The following TUBB4B variants were observed in gnomAD, a reference collection of about 807,000 sequenced individuals.
The protein encoded by TUBB4B is tubulin beta 4B class IVb.
TUBB4B carries 7 observed loss-of-function variants against 34.3 expected under a neutral mutation model. The observed-to-expected ratio is 0.20, with a 90% confidence interval of 0.12 to 0.38. The LOEUF is 0.38. Ranked by LOEUF, TUBB4B falls within the 10% of genes least tolerant of loss-of-function variation. The pLI is 1.00. For synonymous variants in TUBB4B, 390 were observed against 250.2 expected (o/e 1.56, Z -5.27); for missense variants, 178 against 610.9 (o/e 0.29, Z 7.47).
In TUBB4B at chr9:137,242,424, C is replaced by T. The variant is rs188898330; in HGVS notation, c.278-72C>T. 179 of 1,550,220 alleles carry T rather than the reference C, an allele frequency of 1.2e-4. 1 individual carries two copies. In the East Asian group the frequency reaches 2.8e-3, roughly 24 times the overall value. On this transcript the variant is annotated intron_variant, in intron 3 of 3. Coordinates refer to ENST00000340384, the MANE Select transcript of TUBB4B (RefSeq NM_006088.6). ...GGTCAGCTCACACCATGTCACTCGG[C>T]TTTTTTCGCATGGCGGTGACCAGTA...
Position 137,241,340 on chromosome 9 carries a change from C to CACG in TUBB4B, c.-21_-20insACG, listed in dbSNP as rs1836735452. 6.3e-7 allele frequency: 1 copy of CACG among 1,578,890 alleles called. No homozygotes were observed. Among genetic ancestry groups the CACG allele is most frequent in the Non-Finnish European group, 8.6e-7 (1 of 1,165,664 alleles). ...CTGTTTGTCTACTTCCTCCTGCTTC[C>CACG]CCGCCGCCGCCGCCGCCATCATGAG... On this transcript the variant is annotated 5_prime_UTR_variant, in exon 1 of 4. Transcript: ENST00000340384.
In TUBB4B at chr9:137,243,508, C is replaced by T. The variant is rs201737567; in HGVS notation, c.1290C>T (p.Ala430=). The T allele has an allele frequency of 3.0e-5, 49 of 1,613,752 alleles. No individual in the cohort carries two copies. Among genetic ancestry groups the T allele is most frequent in the South Asian group, 9.9e-5 (9 of 91,092 alleles). ...SEYQQYQDAT[A]EEEGEFEEEA... ...ACCAGCAGTACCAGGATGCCACAGC[C>T]GAGGAGGAGGGCGAGTTCGAGGAGG... The change falls in exon 4 of 4, where the codon GCC becomes GCT. Residue 430 remains alanine (A), a synonymous_variant. Coordinates refer to ENST00000340384, the MANE Select transcript of TUBB4B (RefSeq NM_006088.6).
rs374055052 is a variant in TUBB4B, at chr9:137,243,358, C to T, written c.1140C>T (p.Arg380=). 6.3e-5 allele frequency: 101 copies of T among 1,613,566 alleles called. No homozygotes were observed. Among genetic ancestry groups the T allele is most frequent in the South Asian group, 2.5e-4 (23 of 91,088 alleles). The change falls in exon 4 of 4, where the codon CGC becomes CGT. Residue 380 remains arginine (R), a synonymous_variant. Coordinates refer to ENST00000340384, the MANE Select transcript of TUBB4B (RefSeq NM_006088.6). ...CGGCCATCCAGGAGCTGTTCAAGCG[C>T]ATCTCCGAGCAGTTCACGGCCATGT... ...NSTAIQELFK[R]ISEQFTAMFR... is the part of the protein sequence containing the mutation.
rs552169856 is a variant in TUBB4B at position 137,243,376 on chromosome 9, G to T, written c.1158G>T (p.Thr386=). The change falls in exon 4 of 4, where the codon ACG becomes ACT. Residue 386 remains threonine, a synonymous_variant. Transcript: ENST00000340384. ...TCAAGCGCATCTCCGAGCAGTTCAC[G>T]GCCATGTTCCGGCGCAAGGCCTTCC... ...ELFKRISEQF[T]AMFRRKAFLH... The T allele has an allele frequency of 4.3e-6, 7 of 1,613,440 alleles. No homozygotes were observed. The East Asian group carries it at 1.6e-4, about 36-fold the overall frequency.
Position 137,243,320 on chromosome 9 carries a change from A to G in TUBB4B, c.1102A>G (p.Ile368Val). ...PRGLKMSATFIGNSTAIQELF... is the reference protein window; with the variant it reads ...PRGLKMSATFVGNSTAIQELF... The stretch of plus-strand genomic sequence containing the variant: ...GGGGCTAAAAATGTCCGCCACCTTC[A>G]TTGGCAACAGCACGGCCATCCAGGA... The change falls in exon 4 of 4, where the codon ATT becomes GTT. Residue 368 changes from isoleucine to valine, a missense_variant. Coordinates refer to ENST00000340384, the MANE Select transcript of TUBB4B (RefSeq NM_006088.6). The G allele has an allele frequency of 1.2e-6, 2 of 1,613,644 alleles. No individual in the cohort carries two copies. The highest frequency in any genetic ancestry group is 1.7e-6 in the Non-Finnish European group (2 of 1,180,036).
At position 137,242,617 on chromosome 9, in the gene TUBB4B, C is replaced by T; in HGVS notation, c.399C>T (p.Phe133=). The T allele has an allele frequency of 6.2e-7, 1 of 1,613,752 alleles. No individual in the cohort carries two copies. The highest frequency in any genetic ancestry group is 8.5e-7 in the Non-Finnish European group (1 of 1,180,010). The change falls in exon 4 of 4, where the codon TTC becomes TTT. Residue 133 remains phenylalanine, a synonymous_variant. Transcript: ENST00000340384. Reference sequence around the variant, plus strand: ...AGAGCTGTGACTGCCTGCAGGGTTTCCAGCTGACCCACTCCCTGGGTGGGG... The same window carrying T: ...AGAGCTGTGACTGCCTGCAGGGTTTTCAGCTGACCCACTCCCTGGGTGGGG... ...EAESCDCLQG[F]QLTHSLGGGT... is the part of the protein sequence containing the mutation.
Position 137,243,525 on chromosome 9 carries a change from TCGAGGAGGAGGC to T in TUBB4B, c.1308_1319del (p.Glu439_Glu442del), listed in dbSNP as rs1836801661. 1 of 1,613,836 alleles carries T rather than the reference TCGAGGAGGAGGC, an allele frequency of 6.2e-7. No homozygotes were observed. The highest frequency in any genetic ancestry group is 8.5e-7 in the Non-Finnish European group (1 of 1,179,994). Reference sequence around the variant, plus strand: ...GCCACAGCCGAGGAGGAGGGCGAGTTCGAGGAGGAGGCTGAGGAGGAGGTGGCCTAGAGCCTT... The same window carrying T: ...GCCACAGCCGAGGAGGAGGGCGAGTTTGAGGAGGAGGTGGCCTAGAGCCTT... On this transcript the variant is annotated inframe_deletion, in exon 4 of 4. Transcript: ENST00000340384.
chr9:137,242,379 A>G (rs1255831278), intron 3 of TUBB4B, 117 bp from the exon 4 acceptor site: 5 of 1,276,654 alleles, frequency 3.9e-6, no homozygotes, highest in African/African-American at 3.0e-5. Context: ...CGTTTGCTCT[A>G]CCTCCAGGGT....
At chr9:137,242,405 C>G (rs1258077951) in intron 3 of TUBB4B, 91 bp from the exon 4 acceptor site, 2 of 1,471,766 alleles carry the variant, frequency 1.4e-6, no homozygotes, top group East Asian at 2.3e-5. Flanking sequence ...CTGTGGTCAG[C>G]TCACACCATG....
rs529242477 is a variant in TUBB4B at position 137,241,866 on chromosome 9, G to A, written c.166+37G>A. 2.6e-4 allele frequency: 426 copies of A among 1,611,774 alleles called. 2 individuals are homozygous for A. In the South Asian group the frequency reaches 4.4e-3, roughly 17 times the overall value. On this transcript the variant is annotated intron_variant, in intron 2 of 3. Coordinates refer to ENST00000340384, the MANE Select transcript of TUBB4B (RefSeq NM_006088.6). ...GCCCCTTCCCCGACCGCCCTCCGGG[G>A]ACCCCGCGGCCCCTGCCTTGGCTGA...
chr9:137,243,125 T>A lies in TUBB4B; in HGVS notation c.907T>A (p.Cys303Ser), dbSNP rs771423621. The A allele has an allele frequency of 6.2e-7, 1 of 1,612,920 alleles. No homozygotes were observed. Among genetic ancestry groups the A allele is most frequent in the Non-Finnish European group, 8.5e-7 (1 of 1,180,024 alleles). ...MFDAKNMMAA[C>S]DPRHGRYLTV... ...TGATGCCAAGAACATGATGGCTGCC[T>A]GCGACCCCCGCCATGGCCGCTACCT... is the stretch of plus-strand genomic sequence containing the variant. The change falls in exon 4 of 4, where the codon TGC becomes AGC. Residue 303 changes from cysteine to serine, a missense_variant. Cys to Ser is a moderately radical substitution (Grantham distance 112, BLOSUM62 -1). Transcript: ENST00000340384.
chr9:137,242,170 A>G (rs1239012632), intron 3 of TUBB4B, 149 bp downstream of exon 3: 1 of 821,342 alleles, frequency 1.2e-6, no homozygotes, highest in Non-Finnish European at 1.9e-6. Context: ...CTTTGGGAGC[A>G]AGGTCCAGCT....
chr9:137,241,848 C>T lies in TUBB4B; in HGVS notation c.166+19C>T, dbSNP rs543805176. Reference sequence around the variant, plus strand: ...GCCACCGGTGAGGCCCCGGCCCCTTCCCCGACCGCCCTCCGGGGACCCCGC... The same window carrying T: ...GCCACCGGTGAGGCCCCGGCCCCTTTCCCGACCGCCCTCCGGGGACCCCGC... On this transcript the variant is annotated intron_variant, in intron 2 of 3. Coordinates refer to ENST00000340384, the MANE Select transcript of TUBB4B (RefSeq NM_006088.6). 3.1e-6 allele frequency: 5 copies of T among 1,611,926 alleles called. No homozygotes were observed. The highest frequency in any genetic ancestry group is 4.2e-6 in the Non-Finnish European group (5 of 1,179,462).
intron 1 of TUBB4B, 104 bp downstream of exon 1, chr9:137,241,521 G>C: frequency 9.7e-7 from 1 of 1,032,652 alleles, no homozygotes; most frequent in East Asian, 5.1e-5. Context: ...CCCGCATTGC[G>C]GCCGCCGGGC....
Position 137,242,089 on chromosome 9 carries a change from G to A in TUBB4B, c.277+68G>A, listed in dbSNP as rs1836758722. 3 of 1,498,818 alleles carry A rather than the reference G, an allele frequency of 2.0e-6. No individual in the cohort carries two copies. The South Asian group carries it at 3.6e-5, about 18-fold the overall frequency. The allele number at this position is 1,498,818 out of a possible 1,614,324, so 92.8% of individuals were successfully genotyped here. A position where few individuals can be genotyped will look rare whatever the true frequency, so the allele number is the denominator to read the frequency against. ...GGGCTGCTCCAAGGGCACCGCCGTG[G>A]GAACTGCGCAGCCGGGGCCCCTGGA... On this transcript the variant is annotated intron_variant, in intron 3 of 3. Coordinates refer to ENST00000340384, the MANE Select transcript of TUBB4B (RefSeq NM_006088.6).
intron 3 of TUBB4B, chr9:137,242,235 T>A (rs1836765090): frequency 4.6e-6 from 3 of 657,014 alleles, no homozygotes; most frequent in African/African-American, 3.7e-5. Flanking sequence ...GGAGCTGAGC[T>A]GGGGCAGTGG....
At position 137,241,329 on chromosome 9, in the gene TUBB4B, C is replaced by T. The variant is rs375874349; in HGVS notation, c.-32C>T. ...CTCTTCTGCTGCTGTTTGTCTACTT[C>T]CTCCTGCTTCCCCGCCGCCGCCGCC... On this transcript the variant is annotated 5_prime_UTR_variant, in exon 1 of 4. Transcript: ENST00000340384. The T allele has an allele frequency of 7.9e-4, 1,262 of 1,590,142 alleles. 4 individuals carry two copies. Among genetic ancestry groups the T allele is most frequent in the Admixed American group, 1.9e-3 (110 of 59,328 alleles).
In TUBB4B at chr9:137,243,128, G is replaced by A; in HGVS notation, c.910G>A (p.Asp304Asn). Residue 304 changes from aspartate (D) to asparagine (N), a missense_variant, in exon 4 of 4, where the codon GAC (aspartate) becomes AAC (asparagine). Asp to Asn is a conservative substitution (Grantham distance 23, BLOSUM62 1). Transcript: ENST00000340384. ...FDAKNMMAAC[D>N]PRHGRYLTVA... ...TGCCAAGAACATGATGGCTGCCTGC[G>A]ACCCCCGCCATGGCCGCTACCTGAC... The A allele has an allele frequency of 6.2e-7, 1 of 1,612,972 alleles. No homozygotes were observed. The highest frequency in any genetic ancestry group is 8.5e-7 in the Non-Finnish European group (1 of 1,180,026).
chr9:137,241,656 C>T (rs1564425992), intron 1 of TUBB4B, 65 bp from the exon 2 acceptor site: 8 of 1,306,090 alleles, frequency 6.1e-6, no homozygotes, highest in East Asian at 3.6e-5. Context: ...GCGGGGCTGC[C>T]TCCCTGCGCA....
Sources: allele counts gnomAD v4.1 joint callset, GRCh38; gene constraint gnomAD v4.1.1; transcripts MANE v1.5; gene names NCBI Gene and HGNC (gene_info 2026-07-23, HGNC 2026-07-21).